Variants in METTL16 observed in about 807,000 individuals in gnomAD.
METTL16 encodes the protein methyltransferase 16, RNA N6-adenosine.
METTL16 carries 19 observed loss-of-function variants against 57.9 expected under a neutral mutation model. The ratio of observed to expected loss-of-function variants is 0.33; its 90% confidence interval spans 0.23 to 0.48. METTL16 has a LOEUF of 0.48. Among genes scored for constraint, METTL16 ranks in the 20% least tolerant of loss-of-function variants. METTL16 has a pLI of 0.99. For synonymous variants in METTL16, 246 were observed against 255.6 expected, an observed-to-expected ratio of 0.96 and a Z score of 0.36; for missense variants, 434 against 691.5, an observed-to-expected ratio of 0.63 and a Z score of 4.18.
chr17:2,423,252 AAAAC>A (rs2151683781), intron 8 of METTL16, among the ~76,000 whole-genome samples: 1 of 131,258 alleles, frequency 7.6e-6, no homozygotes, highest in South Asian at 2.7e-4. Flanking sequence ...GGAAGGATAA[AAAAC>A]AAAGGGTGTG....
chr17:2,422,227 G>C (rs1174361258), intron 8 of METTL16, among the ~76,000 whole-genome samples: 1 of 151,130 alleles, frequency 6.6e-6, no homozygotes, highest in East Asian at 2.0e-4. Flanking sequence ...CAGAAGAATT[G>C]CTTGAACCCA....
intron 1 of METTL16, among the ~76,000 whole-genome samples, chr17:2,508,788 T>C (rs2067566314): frequency 6.6e-6 from 1 of 152,154 alleles, no homozygotes; most frequent in Admixed American, 6.5e-5. Context: ...GCTATTAAGC[T>C]AAAAAAGTCT....
At chr17:2,466,854 G>A (rs1248936691) in intron 5 of METTL16, among the ~76,000 whole-genome samples, 1 of 151,638 alleles carries the variant, frequency 6.6e-6, no homozygotes, top group Admixed American at 6.6e-5. Flanking sequence ...CGAGGCTGGA[G>A]TGCAGTAACA....
intron 8 of METTL16, among the ~76,000 whole-genome samples, chr17:2,429,375 A>G (rs1360326868): frequency 6.7e-6 from 1 of 149,676 alleles, no homozygotes. Flanking sequence ...TTTAATAGAG[A>G]CGGGGATTCA....
At chr17:2,464,806 T>C (rs2067178566) in intron 5 of METTL16, among the ~76,000 whole-genome samples, 1 of 152,158 alleles carries the variant, frequency 6.6e-6, no homozygotes, top group Non-Finnish European at 1.5e-5. Context: ...GCTAAAACTA[T>C]AAATTTTCAT....
At chr17:2,464,721 T>G (rs1046243360) in intron 5 of METTL16, among the ~76,000 whole-genome samples, 8 of 152,196 alleles carry the variant, frequency 5.3e-5, no homozygotes, top group Non-Finnish European at 5.9e-5. Context: ...TTTTCACATT[T>G]AAATATTTAA....
rs189080338 is a variant in METTL16 at position 2,496,054 on chromosome 17, G to A, written c.128+6150C>T. 1.4e-3 allele frequency among the ~76,000 whole-genome samples: 211 copies of A among 151,476 alleles called. 9 individuals are homozygous for A. The highest frequency in any genetic ancestry group is 4.9e-3 in the African/African-American group (199 of 40,900). ...GTACCTGGGAGCTGGAGGTTGCAGT[G>A]ACCTGAGACCACACCACTGCACTCC... On this transcript the variant is annotated intron_variant, in intron 2 of 9. Transcript: ENST00000263092.
intron 2 of METTL16, among the ~76,000 whole-genome samples, chr17:2,496,100 G>A (rs942289712): frequency 6.6e-6 from 1 of 151,012 alleles, no homozygotes; most frequent in Non-Finnish European, 1.5e-5. Flanking sequence ...GTGACAGAGC[G>A]ACTCTGTCTC....
chr17:2,462,706 G>C (rs960852394), intron 6 of METTL16, among the ~76,000 whole-genome samples: 1 of 152,036 alleles, frequency 6.6e-6, no homozygotes, highest in East Asian at 1.9e-4. Flanking sequence ...ATGATTGTAC[G>C]TTTCCTGAGA....
At position 2,462,592 on chromosome 17, in the gene METTL16, T is replaced by A. The variant is rs576713900; in HGVS notation, c.728+1616A>T. Among the ~76,000 whole-genome samples the A allele has an allele frequency of 2.0e-5, 3 of 152,126 alleles. No individual in the cohort carries two copies. In the South Asian group the frequency reaches 6.2e-4, roughly 32 times the overall value. On this transcript the variant is annotated intron_variant, in intron 6 of 9. Transcript: ENST00000263092. ...GCTGTTCTGGTGACAGTGAGTGAGA[T>A]CTCACTAGATCTGGTTGTTTAAGTG...
intron 8 of METTL16, among the ~76,000 whole-genome samples, chr17:2,429,368 AAT>A (rs2151544167): frequency 6.7e-6 from 1 of 150,240 alleles, no homozygotes; most frequent in Admixed American, 6.7e-5. Flanking sequence ...TTGTATTTTT[AAT>A]AGAGACGGGG....
chr17:2,477,918 T>A (rs760357762), intron 2 of METTL16, 33 bp from the exon 3 acceptor site: 1 of 1,568,642 alleles, frequency 6.4e-7, no homozygotes, highest in Non-Finnish European at 8.8e-7. Flanking sequence ...TAAAACTGAT[T>A]AGTAAGATTC....
intron 1 of METTL16, among the ~76,000 whole-genome samples, chr17:2,506,940 G>A (rs1201441603): frequency 2.8e-5 from 4 of 142,990 alleles, no homozygotes; most frequent in South Asian, 2.3e-4. Flanking sequence ...CGGCCGCCCC[G>A]TCTGAGAAGT....
At chr17:2,442,481 TAAG>T (rs1174136724) in intron 6 of METTL16, among the ~76,000 whole-genome samples, 4 of 142,314 alleles carry the variant, frequency 2.8e-5, no homozygotes, top group Non-Finnish European at 4.6e-5. Context: ...GAAACCCAAG[TAAG>T]AAGAAGAAAG....
intron 8 of METTL16, among the ~76,000 whole-genome samples, chr17:2,425,693 CTT>C (rs966747395): frequency 6.8e-6 from 1 of 146,770 alleles, no homozygotes. Context: ...CTTTTCTTGT[CTT>C]TTTTTTTTTG....
Position 2,467,975 on chromosome 17 carries a change from T to C in METTL16, c.470-99A>G. ...ATGATTCTTTGGTCAACTGCATATATGATGGTGGTCCCGTAAGATTATAAC... is the reference window on the plus strand; with the variant it reads ...ATGATTCTTTGGTCAACTGCATATACGATGGTGGTCCCGTAAGATTATAAC... On this transcript the variant is annotated intron_variant, in intron 4 of 9. Coordinates refer to ENST00000263092, the MANE Select transcript of METTL16 (RefSeq NM_024086.4). 3.8e-6 allele frequency: 3 copies of C among 795,834 alleles called. No individual in the cohort carries two copies. In the South Asian group the frequency reaches 4.5e-5, roughly 12 times the overall value. 49.3% of individuals were successfully genotyped at this position (795,834 alleles called of 1,614,324 possible). A position where few individuals can be genotyped will look rare whatever the true frequency, so the allele number is the denominator to read the frequency against.
intron 8 of METTL16, among the ~76,000 whole-genome samples, chr17:2,432,395 C>T (rs1160821622): frequency 6.6e-6 from 1 of 152,132 alleles, no homozygotes; most frequent in East Asian, 1.9e-4. Context: ...TAGGGAGACT[C>T]TGTCTCTATA....
chr17:2,495,595 T>C (rs1026830987), intron 2 of METTL16, among the ~76,000 whole-genome samples: 3 of 148,864 alleles, frequency 2.0e-5, no homozygotes, highest in African/African-American at 7.6e-5. Context: ...GCCAGGAGGC[T>C]GAGGCAGAAG....
intron 6 of METTL16, among the ~76,000 whole-genome samples, chr17:2,458,481 G>A (rs575544592): frequency 2.0e-5 from 3 of 152,048 alleles, no homozygotes; most frequent in African/African-American, 7.3e-5. Context: ...TGAGGCCAAG[G>A]GGGGCAGATC....
Sources: gnomAD v4.1 joint callset for allele counts (sites outside exome capture counted in the v4.1 genomes callset) on GRCh38, gnomAD v4.1.1 for gene constraint, MANE v1.5 for transcripts, NCBI Gene and HGNC (gene_info 2026-07-23, HGNC 2026-07-21) for gene names.